The following PSME4 variants were observed in gnomAD, a reference collection of about 807,000 sequenced individuals.
PSME4 encodes proteasome activator complex subunit 4.
Under a neutral mutation model 253.9 loss-of-function variants are expected in PSME4, and 89 were observed. The observed-to-expected ratio is 0.35, with a 90% CI of 0.30 to 0.42. The LOEUF is 0.42. Ranked by LOEUF, PSME4 falls within the 10% of genes least tolerant of loss-of-function variation. The pLI, the probability that PSME4 is intolerant of heterozygous loss-of-function variation, is 1.00. For synonymous variants in PSME4, 851 were observed against 759.2 expected (o/e 1.12, Z -1.99); for missense variants, 2,014 against 2,195.2 (o/e 0.92, Z 1.65).
intron 1 of PSME4, among the ~76,000 whole-genome samples, chr2:53,969,785 G>A (rs934993343): frequency 1.3e-4 from 20 of 150,462 alleles, no homozygotes; most frequent in African/African-American, 4.7e-4. Context: ...CTTAATCTGA[G>A]TAACTCAAAA....
intron 29 of PSME4, among the ~76,000 whole-genome samples, chr2:53,899,252 G>C (rs1680280684): frequency 6.6e-6 from 1 of 151,638 alleles, no homozygotes; most frequent in Non-Finnish European, 1.5e-5. Context: ...TTTTTGTATA[G>C]ACAGGGTTTC....
chr2:53,912,589 T>C (rs1482232058), intron 20 of PSME4, among the ~76,000 whole-genome samples: 1 of 152,154 alleles, frequency 6.6e-6, no homozygotes, highest in African/African-American at 2.4e-5. Flanking sequence ...GGCTCTTGAG[T>C]AGCTGGTACT....
chr2:53,917,131 T>G (rs568478598), intron 20 of PSME4: 373 of 151,326 alleles, frequency 2.5e-3, no homozygotes, highest in Middle Eastern at 0.022. Flanking sequence ...ATATAGATTT[T>G]TATTACTTCA....
At chr2:53,965,054 C>T (rs973501099) in intron 1 of PSME4, among the ~76,000 whole-genome samples, 2 of 151,950 alleles carry the variant, frequency 1.3e-5, no homozygotes, top group Non-Finnish European at 2.9e-5. Context: ...ACACCAAACC[C>T]ACATACTTCA....
chr2:53,927,294 T>A, intron 12 of PSME4, 100 bp downstream of exon 12: 1 of 856,270 alleles, frequency 1.2e-6, no homozygotes, highest in Non-Finnish European at 1.9e-6. Context: ...AAAATAGTGA[T>A]TTTACTTCCA....
chr2:53,920,745 A>T (rs903662786), intron 18 of PSME4, 144 bp downstream of exon 18: 3 of 745,794 alleles, frequency 4.0e-6, no homozygotes, highest in African/African-American at 3.6e-5. Flanking sequence ...GTGAGACAGC[A>T]CAAGTTTCAC....
chr2:53,934,968 T>C (rs181260158), intron 7 of PSME4, among the ~76,000 whole-genome samples: 74 of 152,346 alleles, frequency 4.9e-4, no homozygotes, highest in South Asian at 4.1e-3. Flanking sequence ...GTTGTGTCCA[T>C]GTATCCAAAG....
At chr2:53,889,014 C>T (rs907869756) in intron 37 of PSME4, among the ~76,000 whole-genome samples, 3 of 152,156 alleles carry the variant, frequency 2.0e-5, no homozygotes, top group Admixed American at 1.3e-4. Flanking sequence ...CACAGGCATG[C>T]GCCACTATGC....
At chr2:53,918,478 A>T (rs185578792) in intron 20 of PSME4, among the ~76,000 whole-genome samples, 1 of 152,162 alleles carries the variant, frequency 6.6e-6, no homozygotes, top group East Asian at 1.9e-4. Context: ...CTCAGCTGGG[A>T]CTACAGGTAT....
In PSME4 at chr2:53,901,274, G is replaced by A; in HGVS notation, c.3285+76C>T. The A allele has an allele frequency of 3.0e-6, 4 of 1,320,450 alleles. No individual in the cohort carries two copies. In the Admixed American group the frequency reaches 5.6e-5, roughly 18 times the overall value. 81.8% of individuals were successfully genotyped at this position (1,320,450 alleles called of 1,614,324 possible). On this transcript the variant is annotated intron_variant, in intron 28 of 46. Coordinates refer to ENST00000404125, the MANE Select transcript of PSME4 (RefSeq NM_014614.3). ...GCCAAGAATATTATTACTGGAAAAAGGGCAAGAAAAATAAAGGGCATTTTA... is the reference window on the plus strand; with the variant it reads ...GCCAAGAATATTATTACTGGAAAAAAGGCAAGAAAAATAAAGGGCATTTTA...
At chr2:53,882,493 C>G (rs78039249) in intron 41 of PSME4, among the ~76,000 whole-genome samples, 2,096 of 152,210 alleles carry the variant, frequency 0.014, 42 homozygotes, top group African/African-American at 0.046. Flanking sequence ...GTATAATCCT[C>G]GTAACATCCT....
In PSME4 at chr2:53,923,304, C is replaced by G; in HGVS notation, c.1908+17G>C. 6.3e-7 allele frequency: 1 copy of G among 1,586,892 alleles called. No homozygotes were observed. Among genetic ancestry groups the G allele is most frequent in the South Asian group, 1.2e-5 (1 of 85,082 alleles). ...TTGTTGAGTCATTAATACATCAGTTCAAAAAAATAAACTCACCTTTACAGC... is the reference window on the plus strand; with the variant it reads ...TTGTTGAGTCATTAATACATCAGTTGAAAAAAATAAACTCACCTTTACAGC... On this transcript the variant is annotated intron_variant, in intron 15 of 46. Coordinates refer to ENST00000404125, the MANE Select transcript of PSME4 (RefSeq NM_014614.3).
rs35339533 is a variant in PSME4 at position 53,966,563 on chromosome 2, C to CA, written c.242+3979dup. 8.0e-3 allele frequency among the ~76,000 whole-genome samples: 1,099 copies of CA among 136,618 alleles called. 4 individuals are homozygous for CA. Among genetic ancestry groups the CA allele is most frequent in the African/African-American group, 0.013 (495 of 37,212 alleles). 89.6% of individuals were successfully genotyped at this position (136,618 alleles called of 152,430 possible). A position where few individuals can be genotyped will look rare whatever the true frequency, so the allele number is the denominator to read the frequency against. On this transcript the variant is annotated intron_variant, in intron 1 of 46. Coordinates refer to ENST00000404125, the MANE Select transcript of PSME4 (RefSeq NM_014614.3). Reference sequence around the variant, plus strand: ...CCTATAATCCCAGCTACTCTGTCTCCAAAAAAAAAAAAAGATAATAATGTT... The same window carrying CA: ...CCTATAATCCCAGCTACTCTGTCTCCAAAAAAAAAAAAAAGATAATAATGTT...
intron 1 of PSME4, among the ~76,000 whole-genome samples, chr2:53,969,475 G>C (rs1051295196): frequency 3.3e-5 from 5 of 152,044 alleles, no homozygotes; most frequent in Non-Finnish European, 7.3e-5. Flanking sequence ...AGTTCAATCA[G>C]CAGCTTTGGG....
rs1190421259 is a variant in PSME4, at chr2:53,899,933, T to C, written c.3370A>G (p.Lys1124Glu). Residue 1124 changes from lysine to glutamate, a missense_variant, in exon 29 of 47, where the codon AAA becomes GAA. Around this residue, in one of 4 missense-constraint regions of PSME4, gnomAD observed 989 missense variants for 1,021.1 expected, o/e 0.97. Transcript: ENST00000404125. ...TGGCGTTTAATTCCTTCCTTAATTT[T>C]TTCTGGGCTAAGCAATATCTGGTTG... ...SINQILLSPE[K>E]IKEGIKRQQE... 2 of 1,613,672 alleles carry C rather than the reference T, an allele frequency of 1.2e-6. No individual in the cohort carries two copies. Among genetic ancestry groups the C allele is most frequent in the Non-Finnish European group, 8.5e-7 (1 of 1,179,568 alleles).
chr2:53,901,996 G>C (rs559395431), intron 27 of PSME4, among the ~76,000 whole-genome samples: 3 of 152,328 alleles, frequency 2.0e-5, no homozygotes, highest in African/African-American at 7.2e-5. Context: ...AAGCCCAAGA[G>C]GTTGAGGCTA....
At chr2:53,945,975 A>G (rs1669681340) in intron 3 of PSME4, among the ~76,000 whole-genome samples, 5 of 152,222 alleles carry the variant, frequency 3.3e-5, no homozygotes, top group South Asian at 2.1e-4. Flanking sequence ...TTTCAGTCAC[A>G]ACGTCTCTTC....
intron 1 of PSME4, among the ~76,000 whole-genome samples, chr2:53,959,541 A>G (rs991594085): frequency 1.3e-5 from 2 of 152,200 alleles, no homozygotes; most frequent in Admixed American, 6.5e-5. Flanking sequence ...CACCATAGCT[A>G]TATCAGTTCC....
rs911094833 is a variant in PSME4, at chr2:53,949,039, G to A, written c.383+104C>T. The stretch of plus-strand genomic sequence containing the variant: ...TTTTTTGCAATCATTTTCCAAATTG[G>A]CAATTTGAGACTTGGTCTTCTTACC... On this transcript the variant is annotated intron_variant, in intron 2 of 46. Transcript: ENST00000404125. The A allele has an allele frequency of 3.7e-6, 5 of 1,359,990 alleles. No individual in the cohort carries two copies. In the Admixed American group the frequency reaches 1.1e-4, roughly 29 times the overall value. The allele number at this position is 1,359,990 out of a possible 1,614,324, so 84.2% of individuals were successfully genotyped here. A position where few individuals can be genotyped will look rare whatever the true frequency, so the allele number is the denominator to read the frequency against.
Sources: gnomAD v4.1 joint callset for allele counts (sites outside exome capture counted in the v4.1 genomes callset) on GRCh38, gnomAD v4.1.1 for gene constraint, gnomAD v4.1.1 regional missense constraint, MANE v1.5 for transcripts, NCBI Gene and HGNC (gene_info 2026-07-23, HGNC 2026-07-21) for gene names.